The following GPC6 variants were observed in gnomAD, a reference collection of about 807,000 sequenced individuals.
GPC6 encodes glypican 6.
A neutral mutation model predicts 55.2 loss-of-function variants in GPC6; 14 were observed. That is an observed-to-expected ratio of 0.25 (90% CI 0.17 to 0.40). GPC6 has a LOEUF of 0.40. GPC6 is among the 10% of genes least tolerant of loss of function. GPC6 has a pLI of 1.00. For missense variants in GPC6, 641 were observed against 708.5 expected (o/e 0.90, Z 1.08); for synonymous variants, 278 against 259.6 (o/e 1.07, Z -0.68).
chr13:94,244,417 C>T (rs534721234), intron 4 of GPC6, among the ~76,000 whole-genome samples: 1 of 152,042 alleles, frequency 6.6e-6, no homozygotes, highest in African/African-American at 2.4e-5. Context: ...AGGATTTGGG[C>T]ACTATCTCAA....
intron 1 of GPC6, among the ~76,000 whole-genome samples, chr13:93,418,755 G>A (rs140162064): frequency 1.2e-4 from 18 of 149,888 alleles, no homozygotes; most frequent in South Asian, 2.1e-4. Context: ...GCACTATACC[G>A]TAGCATCACT....
intron 1 of GPC6, among the ~76,000 whole-genome samples, chr13:93,367,294 G>C (rs1161569793): frequency 1.3e-5 from 2 of 151,988 alleles, no homozygotes; most frequent in African/African-American, 4.8e-5. Flanking sequence ...AGAGAAGCAA[G>C]GAATATCCCT....
chr13:93,891,130 C>G (rs1875656478), intron 3 of GPC6, among the ~76,000 whole-genome samples: 1 of 152,056 alleles, frequency 6.6e-6, no homozygotes, highest in Non-Finnish European at 1.5e-5. Context: ...GGCTATTTGA[C>G]AAGTATACTA....
intron 4 of GPC6, among the ~76,000 whole-genome samples, chr13:94,140,822 G>C (rs944074257): frequency 3.3e-5 from 5 of 152,068 alleles, no homozygotes; most frequent in South Asian, 4.1e-4. Flanking sequence ...TCATAAATCA[G>C]AGCCATTTTC....
intron 1 of GPC6, among the ~76,000 whole-genome samples, chr13:93,371,829 G>A (rs1874668534): frequency 6.6e-6 from 1 of 151,616 alleles, no homozygotes; most frequent in South Asian, 2.1e-4. Context: ...GGCAAAAAAA[G>A]ACTCTTAGGA....
chr13:93,224,569 G>A (rs1031399246), upstream of GPC6, among the ~76,000 whole-genome samples: 2 of 152,106 alleles, frequency 1.3e-5, no homozygotes, highest in African/African-American at 2.4e-5. Flanking sequence ...CTACAGCTAG[G>A]ATTCCAGCCA....
intron 1 of GPC6, among the ~76,000 whole-genome samples, chr13:93,364,299 A>G (rs1881159218): frequency 6.6e-6 from 1 of 152,122 alleles, no homozygotes; most frequent in Non-Finnish European, 1.5e-5. Context: ...TGGTTTAGTC[A>G]CCACGTGTCA....
intron 4 of GPC6, among the ~76,000 whole-genome samples, chr13:94,277,032 G>T (rs2139072411): frequency 1.3e-5 from 2 of 152,266 alleles, no homozygotes; most frequent in Admixed American, 1.3e-4. Flanking sequence ...CAAAACGGTT[G>T]AACTAATTTA....
chr13:94,315,905 G>T (rs1002251247), intron 6 of GPC6, among the ~76,000 whole-genome samples: 50 of 152,078 alleles, frequency 3.3e-4, no homozygotes, highest in African/African-American at 1.1e-3. Flanking sequence ...CTTTGAATGC[G>T]GCCCAACACA....
At chr13:93,398,731 C>T (rs142151406) in intron 1 of GPC6, among the ~76,000 whole-genome samples, 3 of 152,220 alleles carry the variant, frequency 2.0e-5, no homozygotes, top group East Asian at 3.9e-4. Context: ...CCATTACCCT[C>T]GAGAGGCAGA....
At chr13:93,663,095 CAA>C (rs35257700) in intron 2 of GPC6, among the ~76,000 whole-genome samples, 14,128 of 111,118 alleles carry the variant, frequency 0.13, 1,210 homozygotes, top group African/African-American at 0.28. Context: ...TGACTGGTTG[CAA>C]AAAAAAAAAA....
chr13:93,346,225 G>C (rs567312062), intron 1 of GPC6, among the ~76,000 whole-genome samples: 3 of 152,226 alleles, frequency 2.0e-5, no homozygotes, highest in Non-Finnish European at 4.4e-5. Context: ...TGACATCTAT[G>C]ATGTCCATTT....
intron 2 of GPC6, among the ~76,000 whole-genome samples, chr13:93,752,585 G>A (rs1884635843): frequency 6.6e-6 from 1 of 152,110 alleles, no homozygotes; most frequent in African/African-American, 2.4e-5. Flanking sequence ...GATATCTTTG[G>A]GAAAGGTTTG....
At chr13:93,334,567 A>AT (rs1214146357) in intron 1 of GPC6, among the ~76,000 whole-genome samples, 2 of 152,092 alleles carry the variant, frequency 1.3e-5, no homozygotes, top group African/African-American at 4.8e-5. Flanking sequence ...GGTTCAAGCG[A>AT]TTCCCCTGCC....
chr13:93,496,218 G>T (rs1046175434), intron 1 of GPC6, among the ~76,000 whole-genome samples: 1 of 152,180 alleles, frequency 6.6e-6, no homozygotes, highest in African/African-American at 2.4e-5. Context: ...GTGGGATATA[G>T]TCTCGTGGTG....
At chr13:93,497,015 C>T (rs147334057) in intron 1 of GPC6, among the ~76,000 whole-genome samples, 21 of 152,218 alleles carry the variant, frequency 1.4e-4, no homozygotes, top group African/African-American at 4.6e-4. Flanking sequence ...AACCTGCTTT[C>T]GATGCGTTAA....
chr13:94,325,934 C>T (rs115837381), intron 6 of GPC6, among the ~76,000 whole-genome samples: 2,257 of 152,260 alleles, frequency 0.015, 61 homozygotes, highest in African/African-American at 0.052. Flanking sequence ...GACGCTCCTT[C>T]GTGGTGGTCA....
chr13:93,256,178 A>G (rs201007305), intron 1 of GPC6, among the ~76,000 whole-genome samples: 2 of 151,846 alleles, frequency 1.3e-5, no homozygotes, highest in East Asian at 3.9e-4. Context: ...TCAAAAAAAA[A>G]AAAAAAAAAA....
chr13:93,906,139 A>C (rs1876653198), intron 3 of GPC6, among the ~76,000 whole-genome samples: 1 of 152,122 alleles, frequency 6.6e-6, no homozygotes, highest in Non-Finnish European at 1.5e-5. Context: ...CTGGACCCAC[A>C]AAAAGTTTGT....
Sources: gnomAD v4.1 joint callset for allele counts (sites outside exome capture counted in the v4.1 genomes callset) on GRCh38, gnomAD v4.1.1 for gene constraint, MANE v1.5 for transcripts, NCBI Gene and HGNC (gene_info 2026-07-23, HGNC 2026-07-21) for gene names.